AGMO: variants seen among roughly 807,000 people sequenced by gnomAD.
The protein encoded by AGMO is glyceryl-ether monooxygenase.
A neutral mutation model predicts 60.2 loss-of-function variants in AGMO; 75 were observed. That is an observed-to-expected ratio of 1.25 (90% CI 1.03 to 1.51). AGMO has a LOEUF of 1.51. Among genes scored for constraint, AGMO ranks in the 40% most tolerant of loss-of-function variants. The pLI is 0.00. For missense variants in AGMO, 763 were observed against 525.5 expected (o/e 1.45, Z -4.42); for synonymous variants, 261 against 177.1 (o/e 1.47, Z -3.76).
At chr7:15,165,454 T>G in the AGMO span, among the ~76,000 whole-genome samples, 1 of 152,260 alleles carries the variant, frequency 6.6e-6, no homozygotes, top group East Asian at 1.9e-4. Flanking sequence ...AGTTTGAGGG[T>G]AACTTAATAT....
At chr7:15,539,759 T>A (rs1046695347) in intron 3 of AGMO, among the ~76,000 whole-genome samples, 1 of 152,206 alleles carries the variant, frequency 6.6e-6, no homozygotes, top group African/African-American at 2.4e-5. Context: ...ACCAACAGTG[T>A]ATAAGCATTC....
At chr7:15,301,139 A>C (rs947319688) in intron 12 of AGMO, among the ~76,000 whole-genome samples, 5 of 152,248 alleles carry the variant, frequency 3.3e-5, no homozygotes, top group African/African-American at 1.2e-4. Context: ...TATTGATACT[A>C]ATTTAAAAGC....
chr7:15,340,260 A>G (rs549613486), intron 12 of AGMO, among the ~76,000 whole-genome samples: 2 of 149,764 alleles, frequency 1.3e-5, no homozygotes, highest in Non-Finnish European at 2.9e-5. Context: ...GACCCATCAC[A>G]TGTCACATGA....
chr7:15,232,419 A>G (rs1402109532), intron 12 of AGMO, among the ~76,000 whole-genome samples: 1 of 152,140 alleles, frequency 6.6e-6, no homozygotes, highest in Non-Finnish European at 1.5e-5. Context: ...TCTTGTGCCA[A>G]CGTTCTTTCT....
intron 10 of AGMO, among the ~76,000 whole-genome samples, chr7:15,382,353 G>A (rs975607615): frequency 1.3e-5 from 2 of 152,102 alleles, no homozygotes; most frequent in Non-Finnish European, 2.9e-5. Context: ...CGAGGAATGT[G>A]CTCGGGGGAA....
chr7:15,419,739 C>T (rs1476359343), intron 4 of AGMO, among the ~76,000 whole-genome samples: 12 of 151,748 alleles, frequency 7.9e-5, no homozygotes, highest in Non-Finnish European at 1.3e-4. Context: ...GAATACTGGG[C>T]TCTCATTCAA....
chr7:15,186,104 A>G, the AGMO span, among the ~76,000 whole-genome samples: 32 of 152,188 alleles, frequency 2.1e-4, no homozygotes, highest in African/African-American at 7.5e-4. Flanking sequence ...TGGCCATTGC[A>G]GTCGGAGACT....
At chr7:15,455,596 A>G (rs1781980925) in intron 3 of AGMO, among the ~76,000 whole-genome samples, 1 of 152,178 alleles carries the variant, frequency 6.6e-6, no homozygotes, top group African/African-American at 2.4e-5. Flanking sequence ...TCTAGTCCAC[A>G]GAAGGGAAAA....
chr7:15,547,647 C>A (rs891238619), intron 2 of AGMO, among the ~76,000 whole-genome samples: 14 of 152,126 alleles, frequency 9.2e-5, no homozygotes, highest in South Asian at 8.3e-4. Flanking sequence ...TATATCCGCA[C>A]CTGGCTCGGA....
chr7:15,124,942 G>A, the AGMO span, among the ~76,000 whole-genome samples: 13 of 151,910 alleles, frequency 8.6e-5, no homozygotes, highest in African/African-American at 2.7e-4. Flanking sequence ...ATAGAGGGGG[G>A]ACACAGAAAT....
chr7:15,539,958 T>C (rs952553918), intron 3 of AGMO, among the ~76,000 whole-genome samples: 3 of 152,170 alleles, frequency 2.0e-5, no homozygotes, highest in African/African-American at 4.8e-5. Flanking sequence ...AGGCTGCCTG[T>C]ATCAGTCAGG....
At chr7:15,289,826 TAAA>T (rs1784206204) in intron 12 of AGMO, among the ~76,000 whole-genome samples, 1 of 151,926 alleles carries the variant, frequency 6.6e-6, no homozygotes, top group African/African-American at 2.4e-5. Context: ...TAGTAAAAGG[TAAA>T]TAAATGAGTA....
intron 3 of AGMO, among the ~76,000 whole-genome samples, chr7:15,447,671 C>A: frequency 6.6e-6 from 1 of 152,114 alleles, no homozygotes; most frequent in East Asian, 1.9e-4. Flanking sequence ...CTGCCTGAGC[C>A]TCGCAGGTAG....
intron 3 of AGMO, among the ~76,000 whole-genome samples, chr7:15,509,843 C>A (rs12699727): frequency 0.75 from 114,020 of 151,958 alleles, 43,365 homozygotes; most frequent in East Asian, 0.96. Context: ...CAGGTAAAAT[C>A]AAAAATGCAA....
chr7:15,553,537 ACTATT>A lies in AGMO; in HGVS notation c.257+6599_257+6603del, dbSNP rs975387055. Among the ~76,000 whole-genome samples the A allele has an allele frequency of 9.2e-5, 14 of 151,940 alleles. No homozygotes were observed. In the East Asian group the frequency reaches 2.3e-3, roughly 25 times the overall value. On this transcript the variant is annotated intron_variant, in intron 2 of 12. Transcript: ENST00000342526. ...GGCACAGCACAAGACACAAGAACAC[ACTATT>A]AAACAGGGCAAATGCCACCAGCCTT...
intron 3 of AGMO, among the ~76,000 whole-genome samples, chr7:15,460,167 C>T (rs969147465): frequency 1.3e-4 from 19 of 142,410 alleles, no homozygotes; most frequent in Non-Finnish European, 1.1e-4. Context: ...AGTGCAGTGG[C>T]GTGATCTCTG....
At chr7:15,126,077 G>C in the AGMO span, among the ~76,000 whole-genome samples, 4 of 152,058 alleles carry the variant, frequency 2.6e-5, no homozygotes, top group Non-Finnish European at 5.9e-5. Context: ...AATGAGCTAG[G>C]AGCTAGGCAC....
chr7:15,350,825 T>C (rs1412457625), intron 12 of AGMO, among the ~76,000 whole-genome samples: 1 of 152,166 alleles, frequency 6.6e-6, no homozygotes, highest in Non-Finnish European at 1.5e-5. Context: ...AAAAGGAAGT[T>C]TGGCTTACCA....
At chr7:15,152,977 C>T in the AGMO span, among the ~76,000 whole-genome samples, 165 of 152,186 alleles carry the variant, frequency 1.1e-3, no homozygotes, top group Middle Eastern at 3.4e-3. Context: ...TAAAAGTGTT[C>T]CCTTTTCACC....
Sources: gnomAD v4.1 joint callset for allele counts (sites outside exome capture counted in the v4.1 genomes callset) on GRCh38, gnomAD v4.1.1 for gene constraint, MANE v1.5 for transcripts, NCBI Gene and HGNC (gene_info 2026-07-23, HGNC 2026-07-21) for gene names.